SLC4A1AP: variants seen among roughly 807,000 people sequenced by gnomAD.
SLC4A1AP encodes the protein solute carrier family 4 member 1 adaptor protein, also known as kanadaptin.
Under a neutral mutation model 89.7 loss-of-function variants are expected in SLC4A1AP, and 64 were observed. That is an observed-to-expected ratio of 0.71 (90% CI 0.58 to 0.88). The LOEUF is 0.88. Among genes scored for constraint, SLC4A1AP ranks in the 40% least tolerant of loss-of-function variants. SLC4A1AP has a pLI of 0.00. For missense variants in SLC4A1AP, 931 were observed against 965.0 expected (o/e 0.96, Z 0.47); for synonymous variants, 366 against 353.3 (o/e 1.04, Z -0.40).
intron 5 of SLC4A1AP, among the ~76,000 whole-genome samples, chr2:27,674,463 A>G (rs79297906): frequency 0.057 from 8,697 of 152,238 alleles, 690 homozygotes; most frequent in African/African-American, 0.18. Context: ...AATGGCAGAT[A>G]TTGTAGGCTT....
At position 27,685,140 on chromosome 2, in the gene SLC4A1AP, A is replaced by T. The variant is rs773316518; in HGVS notation, c.1979A>T (p.Glu660Val). Residue 660 changes from glutamate (E) to valine (V), a missense_variant, in exon 10 of 14, where the codon GAA (glutamate) becomes GTA (valine). Glu to Val is a moderately radical substitution (Grantham distance 121, BLOSUM62 -2). Transcript: ENST00000613058. ...GAAGAGGAAGAGGAAGAAGAGAAAGAAAAGGAGGAGCATGAAAAGAAAAAA... is the reference window on the plus strand; with the variant it reads ...GAAGAGGAAGAGGAAGAAGAGAAAGTAAAGGAGGAGCATGAAAAGAAAAAA... 5 of 1,614,078 alleles carry T rather than the reference A, an allele frequency of 3.1e-6. No individual in the cohort carries two copies. The South Asian group carries it at 5.5e-5, about 18-fold the overall frequency.
intron 9 of SLC4A1AP, among the ~76,000 whole-genome samples, chr2:27,683,657 G>C (rs1481303395): frequency 6.6e-6 from 1 of 152,158 alleles, no homozygotes; most frequent in Non-Finnish European, 1.5e-5. Context: ...TGGGCAGCAG[G>C]GGGCACAATT....
chr2:27,664,565 C>G (rs1328538641), exon 1 of SLC4A1AP: 2 of 1,609,104 alleles, frequency 1.2e-6, no homozygotes, highest in East Asian at 2.2e-5. Context: ...GCACCCGGCT[C>G]TTTATCCTGC....
At chr2:27,676,751 A>T (rs1675530274) in intron 6 of SLC4A1AP, among the ~76,000 whole-genome samples, 1 of 151,590 alleles carries the variant, frequency 6.6e-6, no homozygotes, top group Non-Finnish European at 1.5e-5. Context: ...AATTGCTTGA[A>T]TGCAGGAAGC....
At chr2:27,683,867 C>G (rs868730918) in intron 9 of SLC4A1AP, among the ~76,000 whole-genome samples, 1 of 152,108 alleles carries the variant, frequency 6.6e-6, no homozygotes, top group Non-Finnish European at 1.5e-5. Flanking sequence ...TCCCGAGTAG[C>G]TGGGATTACA....
intron 8 of SLC4A1AP, among the ~76,000 whole-genome samples, chr2:27,679,882 G>A (rs903905131): frequency 6.6e-6 from 1 of 152,166 alleles, no homozygotes; most frequent in Non-Finnish European, 1.5e-5. Flanking sequence ...TTAAGAGAGT[G>A]CTCTCAGGAG....
chr2:27,667,517 T>C, intron 3 of SLC4A1AP, 127 bp downstream of exon 3: 1 of 929,976 alleles, frequency 1.1e-6, no homozygotes, highest in Non-Finnish European at 1.5e-6. Context: ...GTTCACTTTT[T>C]ACTCTTGTGG....
chr2:27,685,130 G>C (rs1402553217), exon 10 of SLC4A1AP: 3 of 1,613,966 alleles, frequency 1.9e-6, no homozygotes, highest in Non-Finnish European at 2.5e-6. Context: ...GGAAGAGGAA[G>C]AAGAGAAAGA....
rs752967281 is a variant in SLC4A1AP at position 27,688,036 on chromosome 2, G to A, written c.2203+16G>A. On this transcript the variant is annotated intron_variant, in intron 11 of 13. Transcript: ENST00000613058. ...GGACCCTCAGGCAAGTAGTACGGCA[G>A]CCTTCATTGCTGCTCTGCACACAGG... The A allele has an allele frequency of 1.1e-5, 17 of 1,605,494 alleles. No homozygotes were observed. In the African/African-American group the frequency reaches 2.0e-4, roughly 19 times the overall value.
chr2:27,669,268 C>G, exon 5 of SLC4A1AP: 2 of 1,611,868 alleles, frequency 1.2e-6, no homozygotes, highest in Non-Finnish European at 1.7e-6. Flanking sequence ...GACGATTCAA[C>G]TGGAAAACAA....
chr2:27,694,468 A>G (rs1675841343), intron 13 of SLC4A1AP, among the ~76,000 whole-genome samples, 166 bp from the exon 14 acceptor site: 1 of 152,230 alleles, frequency 6.6e-6, no homozygotes. Flanking sequence ...TAGGGTAGAA[A>G]TGAAAGAGGG....
chr2:27,685,784 C>G (rs1675695916), intron 10 of SLC4A1AP, among the ~76,000 whole-genome samples: 1 of 152,122 alleles, frequency 6.6e-6, no homozygotes, highest in Admixed American at 6.6e-5. Flanking sequence ...TATCCACCCG[C>G]CTCAGCAAAT....
Position 27,664,209 on chromosome 2 carries a change from C to G in SLC4A1AP, c.457C>G (p.Pro153Ala), listed in dbSNP as rs561359481. The change falls in exon 1 of 14, where the codon CCC becomes GCC. Residue 153 changes from proline to alanine, a missense_variant. By Grantham distance (27) the Pro-to-Ala change is conservative (BLOSUM62 -1). Coordinates refer to ENST00000613058, the Ensembl canonical transcript of SLC4A1AP. ...CCCTGGCGGTCCAGCCCGGGCTCCC[C>G]CCTACCAAGAGCCTCCATGGGGTGG... 3.1e-6 allele frequency: 5 copies of G among 1,614,034 alleles called. No homozygotes were observed. In the Admixed American group the frequency reaches 8.3e-5, roughly 27 times the overall value.
chr2:27,684,887 G>C (rs554329184), intron 9 of SLC4A1AP, 150 bp from the exon 10 acceptor site: 3 of 822,850 alleles, frequency 3.6e-6, no homozygotes, highest in Admixed American at 3.0e-5. Flanking sequence ...AAAATTTCAT[G>C]TCAAAGTCCC....
Position 27,668,860 on chromosome 2 carries a change from G to T in SLC4A1AP, c.1162G>T (p.Glu388Ter). Reference sequence around the variant, plus strand: ...TCCCACAGGAGAAGAATTAGAATATGAATTTGATGAACAGGGACATAGCAC... The same window carrying T: ...TCCCACAGGAGAAGAATTAGAATATTAATTTGATGAACAGGGACATAGCAC... The change falls in exon 4 of 14, where the codon GAA (glutamate) becomes TAA (stop). Residue 388 changes from glutamate to a stop codon, truncating the protein, a stop_gained. Coordinates refer to ENST00000613058, the Ensembl canonical transcript of SLC4A1AP. LOFTEE classifies it high-confidence loss of function. 2 of 1,614,058 alleles carry T rather than the reference G, an allele frequency of 1.2e-6. No homozygotes were observed. The highest frequency in any genetic ancestry group is 1.7e-6 in the Non-Finnish European group (2 of 1,179,968).
At chr2:27,674,989 G>C (rs143199788) in intron 5 of SLC4A1AP, among the ~76,000 whole-genome samples, 9 of 152,148 alleles carry the variant, frequency 5.9e-5, no homozygotes, top group South Asian at 4.2e-4. Flanking sequence ...ACCATGCCTG[G>C]CCATCCTCAT....
intron 4 of SLC4A1AP, 74 bp downstream of exon 4, chr2:27,668,977 C>A (rs1488189227): frequency 2.9e-6 from 4 of 1,377,258 alleles, no homozygotes; most frequent in Admixed American, 3.7e-5. Context: ...TTATAGATAA[C>A]AACCCAAAGA....
exon 13 of SLC4A1AP, chr2:27,693,709 T>C: frequency 6.2e-7 from 1 of 1,611,234 alleles, no homozygotes; most frequent in Non-Finnish European, 8.5e-7. Flanking sequence ...TTCTTCCAAA[T>C]ATCCTGAAGA....
At chr2:27,669,204 T>G in intron 4 of SLC4A1AP, 44 bp from the exon 5 acceptor site, 3 of 1,554,064 alleles carry the variant, frequency 1.9e-6, no homozygotes, top group Non-Finnish European at 2.6e-6. Context: ...TTCTTGAGAA[T>G]TGGAGCTTAA....
Sources: gnomAD v4.1 joint callset for allele counts (sites outside exome capture counted in the v4.1 genomes callset) on GRCh38, gnomAD v4.1.1 for gene constraint, MANE v1.5 for transcripts, NCBI Gene and HGNC (gene_info 2026-07-23, HGNC 2026-07-21) for gene names.